BTBD2: variants seen among roughly 807,000 people sequenced by gnomAD.
BTBD2 encodes BTB domain containing 2.
BTBD2 carries 15 observed loss-of-function variants against 44.0 expected under a neutral mutation model. The observed-to-expected ratio is 0.34, with a 90% CI of 0.23 to 0.53. The LOEUF (loss-of-function observed/expected upper bound fraction) is 0.53, where lower values mean the gene tolerates loss of function less well. Among genes scored for constraint, BTBD2 ranks in the 20% least tolerant of loss-of-function variants. The pLI is 0.95. For missense variants in BTBD2, 657 were observed against 746.4 expected, an observed-to-expected ratio of 0.88 and a Z score of 1.39; for synonymous variants, 443 against 335.9, an observed-to-expected ratio of 1.32 and a Z score of -3.49.
At chr19:2,007,170 T>C (rs1365077529) in intron 1 of BTBD2, among the ~76,000 whole-genome samples, 3 of 152,124 alleles carry the variant, frequency 2.0e-5, no homozygotes, top group Non-Finnish European at 4.4e-5. Flanking sequence ...TTTGTATTTT[T>C]AGTAGAGACG....
At chr19:1,999,712 C>A (rs1417023794) in intron 1 of BTBD2, among the ~76,000 whole-genome samples, 2 of 151,540 alleles carry the variant, frequency 1.3e-5, no homozygotes, top group African/African-American at 4.8e-5. Context: ...TGTAATCCCA[C>A]CACTTTGGGA....
chr19:1,996,777 C>T (rs1348446153), intron 2 of BTBD2, among the ~76,000 whole-genome samples: 2 of 152,034 alleles, frequency 1.3e-5, no homozygotes, highest in African/African-American at 2.4e-5. Flanking sequence ...CCCAGGTACT[C>T]AGGAGAATCA....
intron 5 of BTBD2, 170 bp from the exon 6 acceptor site, chr19:1,987,862 G>A: frequency 3.1e-6 from 2 of 643,968 alleles, no homozygotes; most frequent in Non-Finnish European, 2.6e-6. Flanking sequence ...CCTGCTGCCT[G>A]GGCTTTTAGG....
chr19:1,987,275 AG>A, intron 6 of BTBD2, 22 bp from the exon 7 acceptor site: 1 of 1,612,606 alleles, frequency 6.2e-7, no homozygotes, highest in Non-Finnish European at 8.5e-7. Context: ...GATGACAGGC[AG>A]CAGCGTGGAT....
At chr19:2,009,489 C>A (rs931895346) in intron 1 of BTBD2, among the ~76,000 whole-genome samples, 6 of 151,828 alleles carry the variant, frequency 4.0e-5, no homozygotes, top group African/African-American at 1.5e-4. Flanking sequence ...TGAGCCACCA[C>A]ACCCACCCAG....
chr19:1,993,266 C>T (rs995151491), intron 2 of BTBD2, 90 bp from the exon 3 acceptor site: 10 of 1,451,230 alleles, frequency 6.9e-6, no homozygotes, highest in Non-Finnish European at 9.1e-6. Flanking sequence ...CCGTTAGACT[C>T]GGCCACCGGC....
At chr19:1,999,062 C>T (rs774237109) in intron 1 of BTBD2, among the ~76,000 whole-genome samples, 43 of 152,250 alleles carry the variant, frequency 2.8e-4, no homozygotes, top group Non-Finnish European at 5.0e-4. Context: ...ACTGGCTGGG[C>T]GACCTCCACA....
intron 2 of BTBD2, among the ~76,000 whole-genome samples, chr19:1,995,798 G>A (rs560469673): frequency 1.6e-3 from 242 of 151,780 alleles, no homozygotes; most frequent in Non-Finnish European, 2.7e-3. Context: ...CACCATGCCC[G>A]GCTAATTTTC....
intron 3 of BTBD2, among the ~76,000 whole-genome samples, chr19:1,991,681 G>T (rs969064124): frequency 6.6e-6 from 1 of 152,216 alleles, no homozygotes; most frequent in Non-Finnish European, 1.5e-5. Context: ...GCCCATTGGA[G>T]GACCCAGTGC....
chr19:2,003,510 C>T (rs1422414843), intron 1 of BTBD2: 1 of 151,744 alleles, frequency 6.6e-6, no homozygotes, highest in Non-Finnish European at 1.5e-5. Flanking sequence ...TGGCTCACGC[C>T]TGTAATCCCA....
rs762238863 is a variant in BTBD2, at chr19:1,997,472, G to A, written c.408-9C>T. On this transcript the variant is annotated splice_polypyrimidine_tract_variant and intron_variant, in intron 1 of 8. Transcript: ENST00000255608. ...CCACGGCCAGCACGAACCTGGTACGGGAGAGAGAAGGCCCTGGTTAAGCCC... is the reference window on the plus strand; with the variant it reads ...CCACGGCCAGCACGAACCTGGTACGAGAGAGAGAAGGCCCTGGTTAAGCCC... 5 of 1,613,828 alleles carry A rather than the reference G, an allele frequency of 3.1e-6. No individual in the cohort carries two copies. The South Asian group carries it at 5.5e-5, about 18-fold the overall frequency.
intron 1 of BTBD2, among the ~76,000 whole-genome samples, chr19:2,006,406 C>T (rs1476004783): frequency 6.6e-6 from 1 of 151,452 alleles, no homozygotes; most frequent in East Asian, 2.0e-4. Flanking sequence ...ACTCGGGAGG[C>T]TGAGGCAGGA....
chr19:2,006,248 G>C (rs117313229), intron 1 of BTBD2, among the ~76,000 whole-genome samples: 2,733 of 152,232 alleles, frequency 0.018, 46 homozygotes, highest in Middle Eastern at 0.065. Flanking sequence ...TGGCACATGA[G>C]TGCCTAGTAT....
intron 1 of BTBD2, chr19:2,003,173 TA>T (rs2016351376): frequency 6.6e-6 from 1 of 151,914 alleles, no homozygotes. Flanking sequence ...ACGAAAAGTT[TA>T]AAACTTAGCC....
intron 1 of BTBD2, among the ~76,000 whole-genome samples, chr19:2,013,009 G>C (rs2016486702): frequency 6.6e-6 from 1 of 152,166 alleles, no homozygotes; most frequent in Non-Finnish European, 1.5e-5. Context: ...CTCCAAGCTA[G>C]GAGAGGCCCA....
chr19:2,005,340 G>A (rs1354280418), intron 1 of BTBD2, among the ~76,000 whole-genome samples: 1 of 151,998 alleles, frequency 6.6e-6, no homozygotes, highest in Non-Finnish European at 1.5e-5. Flanking sequence ...TTTTGAGGCA[G>A]GGTCTCACTC....
intron 1 of BTBD2, among the ~76,000 whole-genome samples, chr19:2,000,900 G>A (rs1350921060): frequency 2.0e-5 from 3 of 152,148 alleles, no homozygotes; most frequent in African/African-American, 4.8e-5. Flanking sequence ...CCTTGAAGAC[G>A]TCGTGCTCTA....
chr19:1,996,560 A>G (rs201947501), intron 2 of BTBD2, among the ~76,000 whole-genome samples: 3 of 151,248 alleles, frequency 2.0e-5, no homozygotes, highest in Non-Finnish European at 2.9e-5. Flanking sequence ...AAAAAAAAAA[A>G]AAGAAGGAAA....
At position 2,008,589 on chromosome 19, in the gene BTBD2, C is replaced by CTTTTTTTTTTTTTTTTTTT. The variant is rs34228593; in HGVS notation, c.407+6689_407+6707dup. ...TACAGGCGTGAGCCACTGTGCCCAG[C>CTTTTTTTTTTTTTTTTTTT]TTTTTTTTTTTTTTTTTTTAGGGAC... On this transcript the variant is annotated intron_variant, in intron 1 of 8. Coordinates refer to ENST00000255608, the MANE Select transcript of BTBD2 (RefSeq NM_017797.4). 1.3e-4 allele frequency among the ~76,000 whole-genome samples: 17 copies of CTTTTTTTTTTTTTTTTTTT among 126,574 alleles called. 1 individual carries two copies. The highest frequency in any genetic ancestry group is 5.0e-4 in the African/African-American group (16 of 32,054). The allele number at this position is 126,574 out of a possible 152,430, so 83.0% of individuals were successfully genotyped here.
Sources: gnomAD v4.1 joint callset for allele counts (sites outside exome capture counted in the v4.1 genomes callset) on GRCh38, gnomAD v4.1.1 for gene constraint, MANE v1.5 for transcripts, NCBI Gene and HGNC (gene_info 2026-07-23, HGNC 2026-07-21) for gene names.